The following NIPBL variants were observed in gnomAD, a reference collection of about 807,000 sequenced individuals.
NIPBL encodes NIPBL cohesin loading factor, also known as nipped-B-like protein.
Under a neutral mutation model 321.8 loss-of-function variants are expected in NIPBL, and 19 were observed. The observed-to-expected ratio is 0.06, with a 90% confidence interval of 0.04 to 0.09. The LOEUF is 0.09. Among genes scored for constraint, NIPBL ranks in the 10% least tolerant of loss-of-function variants. The pLI is 1.00. For synonymous variants in NIPBL, 1,106 were observed against 1,114.1 expected (o/e 0.99, Z 0.14); for missense variants, 2,210 against 3,327.0 (o/e 0.66, Z 8.26).
At chr5:36,906,545 AG>A (rs1747654632) in intron 1 of NIPBL, among the ~76,000 whole-genome samples, 1 of 152,186 alleles carries the variant, frequency 6.6e-6, no homozygotes, top group Non-Finnish European at 1.5e-5. Context: ...CTACCAGGAC[AG>A]ATTTTGTTTT....
In NIPBL at chr5:37,059,171, G is replaced by T; in HGVS notation, c.7685+6G>T. ...CTTTGTGGATTTTCTGATAGGTAAG[G>T]TTACATAAGCAGTGAGAGAAAAAAC... On this transcript the variant is annotated splice_donor_region_variant and intron_variant, in intron 44 of 46. Coordinates refer to ENST00000282516, the MANE Select transcript of NIPBL (RefSeq NM_133433.4). The T allele has an allele frequency of 1.1e-5, 17 of 1,613,884 alleles. No individual in the cohort carries two copies. Among genetic ancestry groups the T allele is most frequent in the Non-Finnish European group, 1.4e-5 (17 of 1,179,894 alleles).
Position 37,053,797 on chromosome 5 carries a change from G to A in NIPBL, c.7263+1231G>A, listed in dbSNP as rs912910708. On this transcript the variant is annotated intron_variant, in intron 42 of 46. Transcript: ENST00000282516. ...ACAGTATTTATTCTGCATCTGCTAT[G>A]TACCAGCCATTGCGCTAAGAAGTTT... 2.0e-5 allele frequency among the ~76,000 whole-genome samples: 3 copies of A among 152,154 alleles called. No homozygotes were observed. In the East Asian group the frequency reaches 5.8e-4, roughly 29 times the overall value.
chr5:36,950,967 C>T (rs1486683198), intron 1 of NIPBL, among the ~76,000 whole-genome samples: 1 of 152,138 alleles, frequency 6.6e-6, no homozygotes, highest in Non-Finnish European at 1.5e-5. Context: ...CTACCAAATT[C>T]CTCTGCTGTT....
chr5:37,052,432 G>C lies in NIPBL; in HGVS notation c.7129G>C (p.Asp2377His), dbSNP rs200641062. ...ACAGGCAATCAACACATGCCTAAAA[G>C]ATCCTGTAAGGGGTTTCAGACAAGA... ...VQQAINTCLKDPVRGFRQDES... is the reference protein window; with the variant it reads ...VQQAINTCLKHPVRGFRQDES... Residue 2377 changes from aspartate (D) to histidine (H), a missense_variant, in exon 42 of 47, where the codon GAT becomes CAT. Around this residue, in one of 14 missense-constraint regions of NIPBL, gnomAD observed 112 missense variants for 288.3 expected, o/e 0.39. Transcript: ENST00000282516. 1 of 1,614,086 alleles carries C rather than the reference G, an allele frequency of 6.2e-7. No individual in the cohort carries two copies. Among genetic ancestry groups the C allele is most frequent in the East Asian group, 2.2e-5 (1 of 44,856 alleles).
Position 37,065,079 on chromosome 5 carries a change from A to G in NIPBL, c.*187A>G, listed in dbSNP as rs539494562. 1 of 655,814 alleles carries G rather than the reference A, an allele frequency of 1.5e-6. No individual in the cohort carries two copies. The highest frequency in any genetic ancestry group is 1.8e-5 in the African/African-American group (1 of 55,078). 40.6% of individuals were successfully genotyped at this position (655,814 alleles called of 1,614,324 possible). A position where few individuals can be genotyped will look rare whatever the true frequency, so the allele number is the denominator to read the frequency against. The stretch of plus-strand genomic sequence containing the variant: ...GCTCCCTTCGCTGTTGTGCAGCAGA[A>G]ACAGATTCTCAGTTCATTTTTACTC... On this transcript the variant is annotated 3_prime_UTR_variant, in exon 47 of 47. Coordinates refer to ENST00000282516, the MANE Select transcript of NIPBL (RefSeq NM_133433.4).
chr5:36,897,414 A>T (rs996235044), intron 1 of NIPBL, among the ~76,000 whole-genome samples: 2 of 152,064 alleles, frequency 1.3e-5, no homozygotes, highest in Non-Finnish European at 2.9e-5. Context: ...CTTGTTTATT[A>T]ATTGTAACTC....
intron 1 of NIPBL, among the ~76,000 whole-genome samples, chr5:36,899,182 G>GT (rs1173798914): frequency 5.9e-5 from 9 of 152,110 alleles, no homozygotes; most frequent in African/African-American, 1.7e-4. Context: ...AATAGACTCA[G>GT]TGAAAGAGAC....
chr5:36,908,020 AC>A (rs1472842606), intron 1 of NIPBL, among the ~76,000 whole-genome samples: 22 of 152,226 alleles, frequency 1.4e-4, no homozygotes, highest in African/African-American at 5.3e-4. Flanking sequence ...ACCAATGCTG[AC>A]AAGGCACAGC....
At position 37,017,167 on chromosome 5, in the gene NIPBL, TA is replaced by T; in HGVS notation, c.4920+7del. 6.2e-7 allele frequency: 1 copy of T among 1,607,142 alleles called. No individual in the cohort carries two copies. Among genetic ancestry groups the T allele is most frequent in the Non-Finnish European group, 8.5e-7 (1 of 1,174,504 alleles). Reference sequence around the variant, plus strand: ...ATAGAACGCATTTTAAAACAGGTACTAAGATAAAAGATTAAAATTATGGGAA... The same window carrying T: ...ATAGAACGCATTTTAAAACAGGTACTAGATAAAAGATTAAAATTATGGGAA... On this transcript the variant is annotated splice_donor_region_variant and intron_variant, in intron 24 of 46. Coordinates refer to ENST00000282516, the MANE Select transcript of NIPBL (RefSeq NM_133433.4).
At chr5:36,943,165 AG>A in intron 1 of NIPBL, among the ~76,000 whole-genome samples, 1 of 152,320 alleles carries the variant, frequency 6.6e-6, no homozygotes, top group South Asian at 2.1e-4. Context: ...TGTACAAAAA[AG>A]ATCCCAGAAT....
intron 31 of NIPBL, 70 bp from the exon 32 acceptor site, chr5:37,027,289 C>A (rs1750394363): frequency 1.7e-6 from 2 of 1,176,058 alleles, no homozygotes; most frequent in Non-Finnish European, 2.5e-6. Flanking sequence ...CAGGCTAAAG[C>A]ATAACAAAAG....
chr5:37,015,210 G>A (rs904355670), intron 22 of NIPBL, among the ~76,000 whole-genome samples: 14 of 151,564 alleles, frequency 9.2e-5, no homozygotes, highest in African/African-American at 3.4e-4. Flanking sequence ...TGCAACCTCC[G>A]CCTCCCAGCT....
intron 1 of NIPBL, among the ~76,000 whole-genome samples, chr5:36,952,126 T>A (rs991691769): frequency 2.6e-5 from 4 of 151,422 alleles, no homozygotes; most frequent in Admixed American, 6.6e-5. Flanking sequence ...CTTATATTTA[T>A]AATAATAATG....
In NIPBL at chr5:37,052,332, T is replaced by G. The variant is rs376279154; in HGVS notation, c.7063-34T>G. The G allele has an allele frequency of 2.7e-5, 42 of 1,553,132 alleles. 1 individual carries two copies. In the African/African-American group the frequency reaches 4.5e-4, roughly 17 times the overall value. On this transcript the variant is annotated intron_variant, in intron 41 of 46. Transcript: ENST00000282516. ...TATTTTTAATTTGTGTCTTTTAATT[T>G]CCCTGACAAAAATGAGACTTTTATT...
intron 34 of NIPBL, among the ~76,000 whole-genome samples, chr5:37,043,712 G>A (rs1752690227): frequency 6.6e-6 from 1 of 152,126 alleles, no homozygotes; most frequent in African/African-American, 2.4e-5. Flanking sequence ...AAGTAAAGAA[G>A]CCTTCTGCCT....
At chr5:37,035,466 G>A (rs140690484) in intron 32 of NIPBL, among the ~76,000 whole-genome samples, 82 of 152,316 alleles carry the variant, frequency 5.4e-4, no homozygotes, top group African/African-American at 1.9e-3. Context: ...AATCATTTAT[G>A]CATCTTGTGG....
intron 41 of NIPBL, 94 bp downstream of exon 41, chr5:37,051,980 A>G: frequency 1.1e-6 from 1 of 904,548 alleles, no homozygotes; most frequent in Non-Finnish European, 1.8e-6. Flanking sequence ...CATAATTGGA[A>G]TAAAATGTCT....
At chr5:37,059,464 G>A (rs190651085) in intron 44 of NIPBL, among the ~76,000 whole-genome samples, 179 of 152,202 alleles carry the variant, frequency 1.2e-3, no homozygotes, top group African/African-American at 4.2e-3. Context: ...CTGAGATTAC[G>A]CCACTGCACT....
chr5:37,002,073 T>C (rs889954451), intron 14 of NIPBL, among the ~76,000 whole-genome samples: 1 of 151,994 alleles, frequency 6.6e-6, no homozygotes, highest in Non-Finnish European at 1.5e-5. Context: ...AAGAGACCAG[T>C]TAAAAAGATG....
Sources: allele counts gnomAD v4.1 joint callset (sites outside exome capture counted in the v4.1 genomes callset), GRCh38; gene constraint gnomAD v4.1.1; regional missense constraint gnomAD v4.1.1; transcripts MANE v1.5; gene names NCBI Gene and HGNC (gene_info 2026-07-23, HGNC 2026-07-21).